The following VTA1 variants were observed in gnomAD, a reference collection of about 807,000 sequenced individuals.
VTA1 encodes vacuolar protein sorting-associated protein VTA1 homolog.
Under a neutral mutation model 36.9 loss-of-function variants are expected in VTA1, and 24 were observed. The observed-to-expected ratio is 0.65, with a 90% CI of 0.47 to 0.91. The LOEUF (loss-of-function observed/expected upper bound fraction) is 0.91. VTA1 is among the 40% of genes least tolerant of loss of function. VTA1 has a pLI of 0.00. For missense variants in VTA1, 393 were observed against 377.2 expected, an observed-to-expected ratio of 1.04 and a Z score of -0.35; for synonymous variants, 142 against 130.2, an observed-to-expected ratio of 1.09 and a Z score of -0.62.
intron 4 of VTA1, among the ~76,000 whole-genome samples, chr6:142,175,991 G>A (rs1172477732): frequency 1.3e-5 from 2 of 151,934 alleles, no homozygotes; most frequent in Admixed American, 6.6e-5. Flanking sequence ...TAAATTTGCT[G>A]TTATGTAAGC....
chr6:142,164,479 A>C (rs559939526), intron 1 of VTA1, among the ~76,000 whole-genome samples: 2 of 152,282 alleles, frequency 1.3e-5, no homozygotes, highest in African/African-American at 4.8e-5. Flanking sequence ...GTAATATGAG[A>C]TAGCCCTCAA....
intron 1 of VTA1, among the ~76,000 whole-genome samples, chr6:142,162,908 T>C (rs966980543): frequency 2.6e-4 from 39 of 151,992 alleles, no homozygotes; most frequent in East Asian, 2.3e-3. Flanking sequence ...GTTTAGAGAG[T>C]GGGCGCTTGA....
In VTA1 at chr6:142,155,208, G is replaced by A. The variant is rs1257638213; in HGVS notation, c.112+7809G>A. On this transcript the variant is annotated intron_variant, in intron 1 of 7. Coordinates refer to ENST00000367630, the MANE Select transcript of VTA1 (RefSeq NM_016485.5). The stretch of plus-strand genomic sequence containing the variant: ...AATATGACTCAGTACAAATGAGTAC[G>A]CGTTCAGATCCTTGCTGACATGGCT... Among the ~76,000 whole-genome samples, 9 of 152,076 alleles carry A rather than the reference G, an allele frequency of 5.9e-5. No homozygotes were observed. The South Asian group carries it at 6.2e-4, about 10-fold the overall frequency.
chr6:142,160,090 G>A (rs529745400), intron 1 of VTA1, among the ~76,000 whole-genome samples: 44 of 152,248 alleles, frequency 2.9e-4, no homozygotes, highest in Admixed American at 7.8e-4. Flanking sequence ...TCTGGAGTTT[G>A]TCATCTTTCT....
At chr6:142,177,124 A>G (rs1002509417) in intron 4 of VTA1, among the ~76,000 whole-genome samples, 16 of 152,162 alleles carry the variant, frequency 1.1e-4, no homozygotes, top group African/African-American at 3.4e-4. Flanking sequence ...ATTCTTAGCA[A>G]TTATCATAGT....
intron 7 of VTA1, among the ~76,000 whole-genome samples, chr6:142,212,595 C>T (rs989820291): frequency 1.5e-4 from 23 of 151,402 alleles, no homozygotes; most frequent in African/African-American, 5.4e-4. Flanking sequence ...TTAGTCTGTT[C>T]TCATATTGCT....
intron 1 of VTA1, among the ~76,000 whole-genome samples, chr6:142,157,799 T>A (rs958141420): frequency 3.3e-5 from 5 of 151,716 alleles, no homozygotes; most frequent in Non-Finnish European, 7.4e-5. Context: ...GCTGTTACAT[T>A]TACATTTTTT....
At chr6:142,163,714 T>C (rs557461835) in intron 1 of VTA1, among the ~76,000 whole-genome samples, 68 of 152,130 alleles carry the variant, frequency 4.5e-4, no homozygotes, top group African/African-American at 1.6e-3. Context: ...AGGCATGGGC[T>C]AGGTTGGGGC....
chr6:142,177,426 T>C (rs774751549), intron 4 of VTA1, among the ~76,000 whole-genome samples: 1 of 152,190 alleles, frequency 6.6e-6, no homozygotes, highest in Non-Finnish European at 1.5e-5. Flanking sequence ...CAAGTTGTCA[T>C]GGAGATCAAG....
intron 1 of VTA1, among the ~76,000 whole-genome samples, chr6:142,154,436 G>A (rs947767088): frequency 1.3e-5 from 2 of 151,982 alleles, no homozygotes; most frequent in Admixed American, 6.5e-5. Context: ...ATATAATCAC[G>A]TATAGTTTTT....
intron 4 of VTA1, among the ~76,000 whole-genome samples, chr6:142,179,260 A>T: frequency 6.6e-6 from 1 of 152,192 alleles, no homozygotes; most frequent in African/African-American, 2.4e-5. Flanking sequence ...GCGCTTTCAT[A>T]CATTGCTTGA....
chr6:142,188,846 T>C (rs576037349), intron 4 of VTA1, among the ~76,000 whole-genome samples: 1 of 152,350 alleles, frequency 6.6e-6, no homozygotes, highest in Non-Finnish European at 1.5e-5. Flanking sequence ...AGGTTCTTCA[T>C]GATCTTTTCA....
intron 2 of VTA1, among the ~76,000 whole-genome samples, chr6:142,168,626 A>G (rs983349313): frequency 1.9e-4 from 29 of 151,622 alleles, no homozygotes; most frequent in Middle Eastern, 3.4e-3. Context: ...GATTGCAGGT[A>G]TATATTTGTC....
At chr6:142,216,551 G>A (rs1269493680) in intron 7 of VTA1, among the ~76,000 whole-genome samples, 1 of 151,802 alleles carries the variant, frequency 6.6e-6, no homozygotes, top group Non-Finnish European at 1.5e-5. Flanking sequence ...TTACATAATT[G>A]GTTATGCATG....
chr6:142,149,362 G>C (rs1778521188), intron 1 of VTA1, among the ~76,000 whole-genome samples: 1 of 152,030 alleles, frequency 6.6e-6, no homozygotes, highest in African/African-American at 2.4e-5. Flanking sequence ...GACAGTTTAA[G>C]GAATAATAAA....
chr6:142,180,622 G>T (rs144264148), intron 4 of VTA1, among the ~76,000 whole-genome samples: 63 of 152,226 alleles, frequency 4.1e-4, no homozygotes, highest in Non-Finnish European at 7.1e-4. Context: ...GAGGAAAATA[G>T]TAATTCAATA....
At chr6:142,188,045 T>G (rs944022931) in intron 4 of VTA1, among the ~76,000 whole-genome samples, 8 of 149,574 alleles carry the variant, frequency 5.3e-5, no homozygotes, top group African/African-American at 2.0e-4. Flanking sequence ...GTAGCTGGGA[T>G]TACAGGTGTG....
chr6:142,190,999 A>G (rs225675), intron 5 of VTA1, among the ~76,000 whole-genome samples: 60,293 of 151,906 alleles, frequency 0.4, 13,639 homozygotes, highest in Middle Eastern at 0.54. Flanking sequence ...TATTGAACCA[A>G]TTTTACATTG....
chr6:142,164,222 T>G (rs1582879732), intron 1 of VTA1, among the ~76,000 whole-genome samples: 2 of 152,132 alleles, frequency 1.3e-5, no homozygotes, highest in Admixed American at 1.3e-4. Flanking sequence ...ATATTAAGAT[T>G]TATAGATATT....
Sources: allele counts gnomAD v4.1 joint callset (sites outside exome capture counted in the v4.1 genomes callset), GRCh38; gene constraint gnomAD v4.1.1; transcripts MANE v1.5; gene names NCBI Gene and HGNC (gene_info 2026-07-23, HGNC 2026-07-21).